TNS3: variants seen among roughly 807,000 people sequenced by gnomAD.
TNS3 encodes the protein tensin 3, also known as tensin-3.
In TNS3, 45 loss-of-function variants were observed where a neutral mutation model predicts 140.9. The observed-to-expected ratio is 0.32, with a 90% CI of 0.25 to 0.41. The LOEUF (loss-of-function observed/expected upper bound fraction) is 0.41. TNS3 is among the 10% of genes least tolerant of loss of function. The pLI is 1.00. For missense variants in TNS3, 1,716 were observed against 1,906.7 expected, an observed-to-expected ratio of 0.90 and a Z score of 1.86; for synonymous variants, 815 against 788.4, an observed-to-expected ratio of 1.03 and a Z score of -0.56.
At chr7:47,311,218 C>G (rs1787071226) in intron 20 of TNS3, among the ~76,000 whole-genome samples, 1 of 152,198 alleles carries the variant, frequency 6.6e-6, no homozygotes, top group Non-Finnish European at 1.5e-5. Flanking sequence ...TCCACATCCT[C>G]TCCAGCACCT....
At chr7:47,490,419 G>C (rs1398548370) in intron 3 of TNS3, among the ~76,000 whole-genome samples, 1 of 152,220 alleles carries the variant, frequency 6.6e-6, no homozygotes, top group Non-Finnish European at 1.5e-5. Flanking sequence ...CAAAGACGGT[G>C]GCATCACACA....
At chr7:47,554,018 TG>T (rs1800128735) in intron 1 of TNS3, among the ~76,000 whole-genome samples, 1 of 151,018 alleles carries the variant, frequency 6.6e-6, no homozygotes, top group South Asian at 2.2e-4. Flanking sequence ...TTGGCCAGGC[TG>T]GTCTCGAACG....
At chr7:47,326,793 A>C (rs1219677617) in intron 20 of TNS3, among the ~76,000 whole-genome samples, 1 of 152,238 alleles carries the variant, frequency 6.6e-6, no homozygotes, top group African/African-American at 2.4e-5. Context: ...ACTTTTGAAA[A>C]GATAGCATCT....
intron 20 of TNS3, among the ~76,000 whole-genome samples, chr7:47,324,786 AT>A (rs1222556255): frequency 1.3e-5 from 2 of 152,244 alleles, no homozygotes; most frequent in Non-Finnish European, 2.9e-5. Context: ...AAGTCTCTTA[AT>A]AAAAACTTTG....
chr7:47,411,689 G>T, intron 13 of TNS3, 38 bp downstream of exon 13: 1 of 1,580,348 alleles, frequency 6.3e-7, no homozygotes, highest in South Asian at 1.1e-5. Flanking sequence ...TGGGAGAGTG[G>T]GGACACCAAC....
In TNS3 at chr7:47,345,153, C is replaced by G; in HGVS notation, c.2452-115G>C. On this transcript the variant is annotated intron_variant, in intron 18 of 30. Transcript: ENST00000311160. ...CCCACTGAGCAAACCCCTCCTCTGA[C>G]AGTAGGACAAGGAGGCTGAGGTCTG... 1.3e-5 allele frequency: 10 copies of G among 744,882 alleles called. 1 individual carries two copies. The South Asian group carries it at 1.6e-4, about 12-fold the overall frequency. The allele number at this position is 744,882 out of a possible 1,614,324, so 46.1% of individuals were successfully genotyped here. A position where few individuals can be genotyped will look rare whatever the true frequency, so the allele number is the denominator to read the frequency against.
chr7:47,366,491 T>C (rs763349605), intron 17 of TNS3, among the ~76,000 whole-genome samples: 13 of 152,204 alleles, frequency 8.5e-5, no homozygotes, highest in African/African-American at 2.9e-4. Flanking sequence ...TTCTCACAGA[T>C]GGAGTGAAGA....
chr7:47,391,925 G>C (rs541263717), intron 16 of TNS3, among the ~76,000 whole-genome samples: 5 of 152,264 alleles, frequency 3.3e-5, no homozygotes, highest in African/African-American at 7.2e-5. Context: ...GCACGGTCTC[G>C]AGCACAAGAC....
In TNS3 at chr7:47,504,748, C is replaced by T. The variant is rs145278078; in HGVS notation, c.-115+2159G>A. Among the ~76,000 whole-genome samples, 862 of 152,296 alleles carry T rather than the reference C, an allele frequency of 5.7e-3. 12 individuals are homozygous for T. Among genetic ancestry groups the T allele is most frequent in the African/African-American group, 0.019 (805 of 41,574 alleles). Reference sequence around the variant, plus strand: ...CAGGAGCAGCTGGGGAGTTATGGCCCTCATATCCCCAACAACGACGGCATT... The same window carrying T: ...CAGGAGCAGCTGGGGAGTTATGGCCTTCATATCCCCAACAACGACGGCATT... On this transcript the variant is annotated intron_variant, in intron 3 of 30. Transcript: ENST00000311160.
chr7:47,424,308 G>T, intron 9 of TNS3, 124 bp from the exon 10 acceptor site: 1 of 824,836 alleles, frequency 1.2e-6, no homozygotes, highest in Non-Finnish European at 1.9e-6. Flanking sequence ...TTCACCCTTT[G>T]CTGCACCTGT....
intron 4 of TNS3, among the ~76,000 whole-genome samples, chr7:47,471,814 A>G (rs1796966873): frequency 6.6e-6 from 1 of 152,208 alleles, no homozygotes. Flanking sequence ...GAGAGGTGTG[A>G]GCCAAAAAGG....
At chr7:47,404,609 G>A (rs749353921) in intron 13 of TNS3, among the ~76,000 whole-genome samples, 10 of 151,722 alleles carry the variant, frequency 6.6e-5, no homozygotes, top group Admixed American at 1.3e-4. Flanking sequence ...GTGCCCGGCC[G>A]GGCGCGGTGG....
intron 4 of TNS3, among the ~76,000 whole-genome samples, chr7:47,454,186 C>T (rs948307589): frequency 6.6e-5 from 10 of 152,076 alleles, no homozygotes; most frequent in African/African-American, 2.4e-4. Context: ...CCAGGCTGAA[C>T]ACAAACAGGG....
intron 1 of TNS3, among the ~76,000 whole-genome samples, chr7:47,553,303 C>T (rs1359690498): frequency 6.6e-6 from 1 of 152,224 alleles, no homozygotes. Flanking sequence ...CAAAATCAGC[C>T]TTCTATTAGA....
chr7:47,381,772 T>C (rs2151227583), intron 16 of TNS3, among the ~76,000 whole-genome samples: 1 of 152,318 alleles, frequency 6.6e-6, no homozygotes, highest in South Asian at 2.1e-4. Context: ...ATGCACTTAT[T>C]GTGCAAAAAG....
intron 3 of TNS3, among the ~76,000 whole-genome samples, chr7:47,485,989 G>T (rs540893746): frequency 6.7e-6 from 1 of 150,140 alleles, no homozygotes; most frequent in East Asian, 2.0e-4. Context: ...GGTGAGTGTG[G>T]GTGTGTGAGT....
chr7:47,485,768 C>T (rs1426661323), intron 3 of TNS3, among the ~76,000 whole-genome samples: 9 of 152,244 alleles, frequency 5.9e-5, no homozygotes, highest in Non-Finnish European at 1.3e-4. Context: ...AAACCACAAA[C>T]AAACACTGCT....
At chr7:47,297,310 T>C in intron 23 of TNS3, 97 bp from the exon 24 acceptor site, 1 of 1,446,862 alleles carries the variant, frequency 6.9e-7, no homozygotes, top group Non-Finnish European at 9.3e-7. Context: ...CTTACTCTTT[T>C]TGCAAACTGG....
At chr7:47,300,109 G>GT (rs1407412494) in intron 23 of TNS3, among the ~76,000 whole-genome samples, 4 of 151,936 alleles carry the variant, frequency 2.6e-5, no homozygotes, top group Admixed American at 6.6e-5. Context: ...TTATCTGGGT[G>GT]TTTTTTTTCC....
Sources: gnomAD v4.1 joint callset for allele counts (sites outside exome capture counted in the v4.1 genomes callset) on GRCh38, gnomAD v4.1.1 for gene constraint, MANE v1.5 for transcripts, NCBI Gene and HGNC (gene_info 2026-07-23, HGNC 2026-07-21) for gene names.